Variants in PRKAR1A observed in about 807,000 individuals in gnomAD.
PRKAR1A encodes protein kinase cAMP-dependent type I regulatory subunit alpha, also known as cAMP-dependent protein kinase type I-alpha regulatory subunit.
PRKAR1A carries 3 observed loss-of-function variants against 52.0 expected under a neutral mutation model. The ratio of observed to expected loss-of-function variants is 0.06; its 90% confidence interval spans 0.03 to 0.15. PRKAR1A has a LOEUF of 0.15. Among genes scored for constraint, PRKAR1A ranks in the 10% least tolerant of loss-of-function variants. The pLI, the probability that PRKAR1A is intolerant of heterozygous loss-of-function variation, is 1.00. For synonymous variants in PRKAR1A, 188 were observed against 168.4 expected, an observed-to-expected ratio of 1.12 and a Z score of -0.90; for missense variants, 240 against 477.4, an observed-to-expected ratio of 0.50 and a Z score of 4.63.
At position 68,524,528 on chromosome 17, in the gene PRKAR1A, C is replaced by T. The variant is rs184244706; in HGVS notation, c.503-384C>T. Among the ~76,000 whole-genome samples, 588 of 152,158 alleles carry T rather than the reference C, an allele frequency of 3.9e-3. 3 individuals are homozygous for T. Among genetic ancestry groups the T allele is most frequent in the African/African-American group, 0.013 (534 of 41,516 alleles). On this transcript the variant is annotated intron_variant, in intron 5 of 10. Coordinates refer to ENST00000589228, the MANE Select transcript of PRKAR1A (RefSeq NM_002734.5). ...TGGATCTAACTTTTTGACTATCTTC[C>T]TCTTTTTATTTTCTTATTTATTCTT...
chr17:68,431,867 C>T, the PRKAR1A span, among the ~76,000 whole-genome samples: 2 of 70,952 alleles, frequency 2.8e-5, no homozygotes, highest in African/African-American at 1.1e-4. Flanking sequence ...AAATCAATCT[C>T]TGATAATAAT....
the PRKAR1A span, among the ~76,000 whole-genome samples, chr17:68,499,830 G>A: frequency 6.6e-6 from 1 of 152,194 alleles, no homozygotes; most frequent in Non-Finnish European, 1.5e-5. Flanking sequence ...GTGAATCAGC[G>A]TTGGTCAAAG....
Position 68,515,583 on chromosome 17 carries a change from A to G in PRKAR1A, c.177+7A>G, listed in dbSNP as rs1555811756. The G allele has an allele frequency of 1.2e-6, 2 of 1,611,224 alleles. No individual in the cohort carries two copies. On this transcript the variant is annotated splice_region_variant and intron_variant, in intron 2 of 10. Transcript: ENST00000589228. ...CTTTGAGAGGTTGGAGAAGGTAAAA[A>G]TAAATGTGGGGAGATGATGAGGTGA...
the PRKAR1A span, among the ~76,000 whole-genome samples, chr17:68,501,637 T>G: frequency 2.6e-5 from 4 of 152,166 alleles, no homozygotes; most frequent in Non-Finnish European, 2.9e-5. Context: ...TAAATTTTTT[T>G]GTAGAGAGGG....
chr17:68,460,709 T>C, the PRKAR1A span, among the ~76,000 whole-genome samples: 1 of 152,240 alleles, frequency 6.6e-6, no homozygotes, highest in South Asian at 2.1e-4. Flanking sequence ...TAGGTAAATT[T>C]AAAAAATGAT....
the PRKAR1A span, among the ~76,000 whole-genome samples, chr17:68,483,289 T>C: frequency 6.6e-6 from 1 of 152,178 alleles, no homozygotes; most frequent in African/African-American, 2.4e-5. Context: ...AAGACCACCC[T>C]GGCCATTATG....
the PRKAR1A span, among the ~76,000 whole-genome samples, chr17:68,486,506 C>CCTCT: frequency 2.1e-4 from 10 of 48,258 alleles, 1 homozygote; most frequent in African/African-American, 7.9e-4. Flanking sequence ...TCCTTCCTTC[C>CCTCT]TTCTTTCTTT....
chr17:68,501,652 C>A, the PRKAR1A span, among the ~76,000 whole-genome samples: 5 of 152,140 alleles, frequency 3.3e-5, no homozygotes, highest in African/African-American at 1.2e-4. Flanking sequence ...AGAGGGACAT[C>A]TCACTATCTT....
chr17:68,525,043 AG>A, intron 6 of PRKAR1A, 85 bp downstream of exon 6: 4 of 1,136,772 alleles, frequency 3.5e-6, no homozygotes, highest in Non-Finnish European at 5.3e-6. Flanking sequence ...GTGATTTTGA[AG>A]GGTCATTACA....
At chr17:68,546,013 C>CA (rs1316333397) in intron 11 of PRKAR1A, among the ~76,000 whole-genome samples, 4 of 151,750 alleles carry the variant, frequency 2.6e-5, no homozygotes, top group East Asian at 3.9e-4. Flanking sequence ...ACTAAAAATA[C>CA]AAAAAATTAG....
the PRKAR1A span, among the ~76,000 whole-genome samples, chr17:68,501,758 C>T: frequency 6.6e-6 from 1 of 152,184 alleles, no homozygotes; most frequent in Non-Finnish European, 1.5e-5. Flanking sequence ...ATGCCCAGAA[C>T]TCAGCTCTCT....
At chr17:68,509,371 G>A (rs1369356678), upstream of PRKAR1A, among the ~76,000 whole-genome samples, 1 of 152,068 alleles carries the variant, frequency 6.6e-6, no homozygotes, top group Non-Finnish European at 1.5e-5. Flanking sequence ...TCACTGTGTT[G>A]CCCAGGCTGG....
chr17:68,470,008 A>G, the PRKAR1A span, among the ~76,000 whole-genome samples: 1 of 152,070 alleles, frequency 6.6e-6, no homozygotes, highest in Non-Finnish European at 1.5e-5. Flanking sequence ...TCATATCACA[A>G]CATCATGTAG....
At chr17:68,510,913 C>T (rs369664801), upstream of PRKAR1A, among the ~76,000 whole-genome samples, 2 of 152,060 alleles carry the variant, frequency 1.3e-5, no homozygotes, top group African/African-American at 2.4e-5. Flanking sequence ...AGTCGGCCTC[C>T]GAGGGCAGCG....
chr17:68,546,084 G>T (rs1600541554), intron 11 of PRKAR1A, among the ~76,000 whole-genome samples: 2 of 144,952 alleles, frequency 1.4e-5, no homozygotes, highest in Middle Eastern at 3.5e-3. Context: ...CAGGAGAATT[G>T]TTTGAACCCA....
At chr17:68,476,468 A>G in the PRKAR1A span, among the ~76,000 whole-genome samples, 1 of 152,202 alleles carries the variant, frequency 6.6e-6, no homozygotes, top group Non-Finnish European at 1.5e-5. Context: ...ACTGAAAGGC[A>G]TGTAGTGAAA....
the PRKAR1A span, among the ~76,000 whole-genome samples, chr17:68,499,728 G>T: frequency 6.6e-6 from 1 of 152,238 alleles, no homozygotes; most frequent in Admixed American, 6.5e-5. Context: ...CTAGAGTTAA[G>T]ATTGCCACCG....
downstream of PRKAR1A, chr17:68,536,331 C>T: frequency 2.2e-6 from 1 of 454,046 alleles, no homozygotes. Flanking sequence ...TGACTAGTCA[C>T]TCCATGGAAT....
At chr17:68,523,608 C>T in intron 3 of PRKAR1A, 117 bp from the exon 4 acceptor site, 1 of 783,636 alleles carries the variant, frequency 1.3e-6, no homozygotes, top group South Asian at 1.4e-5. Context: ...TGAAACACTA[C>T]AAAGCAGTCT....
Sources: allele counts gnomAD v4.1 joint callset (sites outside exome capture counted in the v4.1 genomes callset), GRCh38; gene constraint gnomAD v4.1.1; transcripts MANE v1.5; gene names NCBI Gene and HGNC (gene_info 2026-07-23, HGNC 2026-07-21).